The following B3GALT1 variants were observed in gnomAD, a reference collection of about 807,000 sequenced individuals.
B3GALT1 encodes beta-1,3-galactosyltransferase 1.
In B3GALT1, 10 loss-of-function variants were observed where a neutral mutation model predicts 23.2. The observed-to-expected ratio is 0.43, with a 90% CI of 0.27 to 0.73. The LOEUF (loss-of-function observed/expected upper bound fraction) is 0.73. Ranked by LOEUF, B3GALT1 falls within the 30% of genes least tolerant of loss-of-function variation. The pLI, the probability that B3GALT1 is intolerant of heterozygous loss-of-function variation, is 0.21. For missense variants in B3GALT1, 299 were observed against 405.4 expected (o/e 0.74, Z 2.25); for synonymous variants, 156 against 141.5 (o/e 1.10, Z -0.73).
In B3GALT1 at chr2:167,780,607, A is replaced by G. The variant is rs897734370; in HGVS notation, c.-351-38065A>G. On this transcript the variant is annotated intron_variant, in intron 3 of 4. Transcript: ENST00000392690. ...TGCACACTTTATTGGTAAAGCCCGA[A>G]TTATTGACTGGATTGCTATATTTTG... Among the ~76,000 whole-genome samples the G allele has an allele frequency of 2.0e-5, 3 of 152,198 alleles. No individual in the cohort carries two copies. The East Asian group carries it at 5.8e-4, about 29-fold the overall frequency.
intron 3 of B3GALT1, among the ~76,000 whole-genome samples, chr2:167,758,253 T>A (rs924088016): frequency 1.3e-5 from 2 of 152,130 alleles, no homozygotes; most frequent in African/African-American, 4.8e-5. Flanking sequence ...AGCCCAAGCA[T>A]AGTCTTTGGT....
In B3GALT1 at chr2:167,317,063, G is replaced by A. The variant is rs533500803; in HGVS notation, c.-511+23729G>A. ...TTTCCTAAGCCGTTAAGGATTGAGC[G>A]GGGTGGATATCCTAGGTTGAGAGGT... On this transcript the variant is annotated intron_variant, in intron 1 of 4. Coordinates refer to ENST00000392690, the MANE Select transcript of B3GALT1 (RefSeq NM_020981.4). Among the ~76,000 whole-genome samples, 31 of 152,184 alleles carry A rather than the reference G, an allele frequency of 2.0e-4. No homozygotes were observed. In the South Asian group the frequency reaches 5.0e-3, roughly 24 times the overall value.
chr2:167,849,264 C>G (rs1689822176), intron 4 of B3GALT1, among the ~76,000 whole-genome samples: 1 of 152,110 alleles, frequency 6.6e-6, no homozygotes, highest in Non-Finnish European at 1.5e-5. Flanking sequence ...GATGAGCCTG[C>G]ATAGTCAAAG....
At chr2:167,796,875 A>G (rs1473065011) in intron 3 of B3GALT1, among the ~76,000 whole-genome samples, 1 of 152,262 alleles carries the variant, frequency 6.6e-6, no homozygotes, top group African/African-American at 2.4e-5. Flanking sequence ...GACATTAACA[A>G]GCAATTAGTA....
intron 3 of B3GALT1, among the ~76,000 whole-genome samples, chr2:167,732,933 C>T (rs955349367): frequency 2.6e-5 from 4 of 152,132 alleles, no homozygotes; most frequent in African/African-American, 9.7e-5. Context: ...AGATATGTTG[C>T]CTTGTTAATC....
At position 167,821,071 on chromosome 2, in the gene B3GALT1, G is replaced by A. The variant is rs112402545; in HGVS notation, c.-230+2278G>A. On this transcript the variant is annotated intron_variant, in intron 4 of 4. Transcript: ENST00000392690. ...CCTAATGCCTTCCCAAGAGCTAAGAGCCTCTATCCTTTCAGTCAATACTGA... is the reference window on the plus strand; with the variant it reads ...CCTAATGCCTTCCCAAGAGCTAAGAACCTCTATCCTTTCAGTCAATACTGA... Among the ~76,000 whole-genome samples the A allele has an allele frequency of 3.0e-4, 46 of 152,296 alleles. 1 individual carries two copies. The highest frequency in any genetic ancestry group is 1.1e-3 in the African/African-American group (46 of 41,564).
intron 3 of B3GALT1, among the ~76,000 whole-genome samples, chr2:167,728,328 A>C (rs1047696091): frequency 6.6e-6 from 1 of 152,234 alleles, no homozygotes; most frequent in South Asian, 2.1e-4. Flanking sequence ...TGAAGGTTGC[A>C]GTGAGGTGAG....
chr2:167,567,069 C>G (rs1029331687), intron 2 of B3GALT1, among the ~76,000 whole-genome samples: 3 of 152,106 alleles, frequency 2.0e-5, no homozygotes, highest in Non-Finnish European at 4.4e-5. Context: ...TTTGAGAAAG[C>G]ACTTGTGAAG....
intron 3 of B3GALT1, among the ~76,000 whole-genome samples, chr2:167,653,373 C>T (rs779119370): frequency 2.0e-5 from 3 of 152,080 alleles, no homozygotes; most frequent in Non-Finnish European, 4.4e-5. Context: ...AGTTTTAAAA[C>T]CCCGAAAATT....
intron 1 of B3GALT1, among the ~76,000 whole-genome samples, chr2:167,453,953 T>G (rs1402488458): frequency 6.6e-6 from 1 of 152,238 alleles, no homozygotes; most frequent in African/African-American, 2.4e-5. Context: ...TTGTTTGGCA[T>G]ACAAATTATA....
chr2:167,714,699 A>G (rs532896726), intron 3 of B3GALT1: 6 of 1,613,872 alleles, frequency 3.7e-6, no homozygotes, highest in African/African-American at 2.7e-5. Context: ...TTTTTCTCGT[A>G]GGAAATAACC....
chr2:167,684,908 C>T (rs768598324), intron 3 of B3GALT1, among the ~76,000 whole-genome samples: 1 of 151,642 alleles, frequency 6.6e-6, no homozygotes, highest in Middle Eastern at 3.2e-3. Context: ...ACCTGGGGCT[C>T]GTGAAAAATA....
intron 1 of B3GALT1, among the ~76,000 whole-genome samples, chr2:167,478,621 G>T (rs1173846100): frequency 6.6e-6 from 1 of 151,694 alleles, no homozygotes; most frequent in African/African-American, 2.4e-5. Context: ...CAACGTGCAG[G>T]TTTGTTACAT....
chr2:167,633,316 G>A (rs575362598), intron 2 of B3GALT1, among the ~76,000 whole-genome samples: 9 of 140,716 alleles, frequency 6.4e-5, no homozygotes, highest in East Asian at 2.0e-4. Context: ...AAAGGGAACC[G>A]CCCATCAGAC....
At chr2:167,509,255 A>C (rs893934890) in intron 2 of B3GALT1, among the ~76,000 whole-genome samples, 2 of 152,368 alleles carry the variant, frequency 1.3e-5, no homozygotes, top group East Asian at 1.9e-4. Context: ...ATAGACATAT[A>C]ACAAAATTGA....
intron 1 of B3GALT1, among the ~76,000 whole-genome samples, chr2:167,294,331 A>C (rs1696312753): frequency 6.6e-6 from 1 of 152,244 alleles, no homozygotes; most frequent in African/African-American, 2.4e-5. Context: ...AACCACGCAG[A>C]GTAACCAGGT....
At chr2:167,462,666 A>G (rs1423832552) in intron 1 of B3GALT1, among the ~76,000 whole-genome samples, 1 of 152,176 alleles carries the variant, frequency 6.6e-6, no homozygotes, top group East Asian at 1.9e-4. Context: ...TTGCATCATT[A>G]GCTTCAGTGA....
At chr2:167,627,301 T>C (rs1042567943) in intron 2 of B3GALT1, among the ~76,000 whole-genome samples, 1 of 151,818 alleles carries the variant, frequency 6.6e-6, no homozygotes, top group Non-Finnish European at 1.5e-5. Flanking sequence ...AGTTTTCTTA[T>C]GCTCCTTTAT....
rs528801640 is a variant in B3GALT1 at position 167,809,723 on chromosome 2, C to T, written c.-351-8949C>T. Among the ~76,000 whole-genome samples the T allele has an allele frequency of 4.6e-5, 7 of 152,296 alleles. No homozygotes were observed. The South Asian group carries it at 1.5e-3, about 32-fold the overall frequency. ...GGGGGTGCCTCCCAGTTAGGCTACTCGGGGGTCAGGGACCCACTTGAGGAG... is the reference window on the plus strand; with the variant it reads ...GGGGGTGCCTCCCAGTTAGGCTACTTGGGGGTCAGGGACCCACTTGAGGAG... On this transcript the variant is annotated intron_variant, in intron 3 of 4. Coordinates refer to ENST00000392690, the MANE Select transcript of B3GALT1 (RefSeq NM_020981.4).
Sources: allele counts gnomAD v4.1 joint callset (sites outside exome capture counted in the v4.1 genomes callset), GRCh38; gene constraint gnomAD v4.1.1; transcripts MANE v1.5; gene names NCBI Gene and HGNC (gene_info 2026-07-23, HGNC 2026-07-21).